Variants in WASF3 observed in about 807,000 individuals in gnomAD.
WASF3 encodes actin-binding protein WASF3.
In WASF3, 11 loss-of-function variants were observed where a neutral mutation model predicts 46.6. The observed-to-expected ratio is 0.24, with a 90% CI of 0.15 to 0.39. The LOEUF is 0.39. Among genes scored for constraint, WASF3 ranks in the 10% least tolerant of loss-of-function variants. The pLI, the probability that WASF3 is intolerant of heterozygous loss-of-function variation, is 1.00. For missense variants in WASF3, 576 were observed against 669.8 expected, an observed-to-expected ratio of 0.86 and a Z score of 1.55; for synonymous variants, 242 against 259.7, an observed-to-expected ratio of 0.93 and a Z score of 0.65.
intron 5 of WASF3, among the ~76,000 whole-genome samples, chr13:26,669,984 G>T (rs1882883185): frequency 6.6e-6 from 1 of 152,166 alleles, no homozygotes; most frequent in Non-Finnish European, 1.5e-5. Context: ...AATACCATTT[G>T]ACCCAGCAAT....
chr13:26,611,520 G>C (rs1485239000), intron 1 of WASF3, among the ~76,000 whole-genome samples: 1 of 152,156 alleles, frequency 6.6e-6, no homozygotes, highest in South Asian at 2.1e-4. Context: ...CTTAGGCATA[G>C]TTAGCTGGAT....
chr13:26,554,499 T>C (rs1190578984), upstream of WASF3, among the ~76,000 whole-genome samples: 1 of 152,132 alleles, frequency 6.6e-6, no homozygotes, highest in African/African-American at 2.4e-5. Context: ...TGAAGGACAA[T>C]AGAATTTGTG....
intron 1 of WASF3, among the ~76,000 whole-genome samples, chr13:26,589,915 G>A (rs1410922107): frequency 6.6e-6 from 1 of 151,504 alleles, no homozygotes; most frequent in Non-Finnish European, 1.5e-5. Flanking sequence ...CCCCATTGCT[G>A]GACTTACGCC....
At chr13:26,634,283 T>C (rs980329812) in intron 2 of WASF3, among the ~76,000 whole-genome samples, 5 of 152,266 alleles carry the variant, frequency 3.3e-5, no homozygotes, top group Non-Finnish European at 7.3e-5. Flanking sequence ...GTTTAAAGTC[T>C]GTTTTATCAG....
intron 2 of WASF3, among the ~76,000 whole-genome samples, chr13:26,624,754 TACAA>T (rs1376340030): frequency 1.3e-5 from 2 of 152,080 alleles, no homozygotes; most frequent in East Asian, 3.9e-4. Context: ...AATGAAACAT[TACAA>T]ACAGAGGAAC....
At chr13:26,601,760 G>A (rs1880649040) in intron 1 of WASF3, among the ~76,000 whole-genome samples, 1 of 152,220 alleles carries the variant, frequency 6.6e-6, no homozygotes, top group Non-Finnish European at 1.5e-5. Flanking sequence ...AGGGATATGT[G>A]ATATATTGGC....
intron 4 of WASF3, 67 bp downstream of exon 4, chr13:26,665,229 TG>T: frequency 6.5e-7 from 1 of 1,544,002 alleles, no homozygotes; most frequent in Non-Finnish European, 8.9e-7. Context: ...TTAATTGCAG[TG>T]TAATTACTGC....
In WASF3 at chr13:26,671,879, A is replaced by C. The variant is rs959327497; in HGVS notation, c.430A>C (p.Lys144Gln). 2.5e-6 allele frequency: 4 copies of C among 1,590,572 alleles called. No individual in the cohort carries two copies. In the African/African-American group the frequency reaches 5.4e-5, roughly 22 times the overall value. The stretch of plus-strand genomic sequence containing the variant: ...CAATACATTGATTTGTAGAGATGAC[A>C]AGAAGGATGGGCTGAAGTTCTATAC... ...LNILTPYRDD[K>Q]KDGLKFYTDP... Residue 144 changes from lysine (K) to glutamine (Q), a missense_variant, in exon 6 of 10, where the codon AAG (lysine) becomes CAG (glutamine). Transcript: ENST00000335327.
chr13:26,641,014 A>T (rs1881981420), intron 2 of WASF3: 1 of 152,208 alleles, frequency 6.6e-6, no homozygotes, highest in African/African-American at 2.4e-5. Context: ...AGCCAAGTGG[A>T]ACAAGAGGTT....
the WASF3 span, among the ~76,000 whole-genome samples, chr13:26,541,980 T>C: frequency 6.6e-6 from 1 of 151,394 alleles, no homozygotes; most frequent in Non-Finnish European, 1.5e-5. Context: ...CCTTTGGAGC[T>C]GTACATGGGG....
chr13:26,635,331 C>T (rs1307055227), intron 2 of WASF3, among the ~76,000 whole-genome samples: 1 of 152,200 alleles, frequency 6.6e-6, no homozygotes, highest in African/African-American at 2.4e-5. Context: ...TGGTTTTCAG[C>T]TCCATCAGGT....
chr13:26,629,231 C>G (rs1881575881), intron 2 of WASF3, among the ~76,000 whole-genome samples: 1 of 152,226 alleles, frequency 6.6e-6, no homozygotes, highest in Admixed American at 6.5e-5. Flanking sequence ...TGGTGGGAAA[C>G]TTTCCAGTGG....
intron 1 of WASF3, among the ~76,000 whole-genome samples, chr13:26,587,552 A>G (rs1880168228): frequency 6.6e-6 from 1 of 152,224 alleles, no homozygotes; most frequent in African/African-American, 2.4e-5. Flanking sequence ...TCTTCAGCAC[A>G]ATTAAGTGCT....
At chr13:26,680,741 T>G (rs903588234) in intron 7 of WASF3, among the ~76,000 whole-genome samples, 4 of 152,198 alleles carry the variant, frequency 2.6e-5, no homozygotes, top group Non-Finnish European at 5.9e-5. Context: ...TTTCATAGCC[T>G]TCTTAGAGAA....
At chr13:26,573,514 T>C (rs1879700432) in intron 1 of WASF3, among the ~76,000 whole-genome samples, 2 of 152,166 alleles carry the variant, frequency 1.3e-5, no homozygotes, top group South Asian at 4.1e-4. Context: ...ATTACTACTT[T>C]AAATGTGTTC....
intron 2 of WASF3, among the ~76,000 whole-genome samples, chr13:26,639,445 G>A (rs1593163894): frequency 6.6e-6 from 1 of 152,150 alleles, no homozygotes; most frequent in Non-Finnish European, 1.5e-5. Flanking sequence ...TGAATAATCA[G>A]GTTGTGTCGA....
At chr13:26,546,790 A>T in the WASF3 span, among the ~76,000 whole-genome samples, 20 of 152,356 alleles carry the variant, frequency 1.3e-4, no homozygotes, top group South Asian at 6.2e-4. Context: ...TCTGTGACTG[A>T]TTTGGCCCGC....
At chr13:26,578,087 C>G (rs542630718) in intron 1 of WASF3, among the ~76,000 whole-genome samples, 2 of 152,234 alleles carry the variant, frequency 1.3e-5, no homozygotes, top group African/African-American at 4.8e-5. Context: ...TACCTCTTTT[C>G]CAATCTAGAT....
In WASF3 at chr13:26,688,929, G is replaced by A. The variant is rs1883491657; in HGVS notation, c.*3084G>A. ...AATAAAATTACACTTTTAACCCTAA[G>A]AGGTTTTGCTTATTAATAACAGTGT... On this transcript the variant is annotated 3_prime_UTR_variant, in exon 10 of 10. Transcript: ENST00000335327. The A allele has an allele frequency of 6.6e-6, 1 of 152,182 alleles. No individual in the cohort carries two copies. The highest frequency in any genetic ancestry group is 1.5e-5 in the Non-Finnish European group (1 of 68,036). The allele number at this position is 152,182 out of a possible 1,614,324, so 9.4% of individuals were successfully genotyped here.
Sources: gnomAD v4.1 joint callset for allele counts (sites outside exome capture counted in the v4.1 genomes callset) on GRCh38, gnomAD v4.1.1 for gene constraint, MANE v1.5 for transcripts, NCBI Gene and HGNC (gene_info 2026-07-23, HGNC 2026-07-21) for gene names.